Variants in CTNNA3 observed in about 807,000 individuals in gnomAD.
CTNNA3 encodes catenin alpha-3.
A neutral mutation model predicts 95.7 loss-of-function variants in CTNNA3; 76 were observed. That is an observed-to-expected ratio of 0.79 (90% CI 0.66 to 0.96). CTNNA3 has a LOEUF of 0.96. Among genes scored for constraint, CTNNA3 ranks in the 40% least tolerant of loss-of-function variants. The pLI is 0.00. For synonymous variants in CTNNA3, 431 were observed against 374.4 expected, an observed-to-expected ratio of 1.15 and a Z score of -1.74; for missense variants, 1,191 against 1,089.8, an observed-to-expected ratio of 1.09 and a Z score of -1.31.
chr10:67,650,514 T>C (rs1839845795), intron 1 of CTNNA3, among the ~76,000 whole-genome samples: 1 of 152,182 alleles, frequency 6.6e-6, no homozygotes, highest in Non-Finnish European at 1.5e-5. Context: ...ACCATATGGA[T>C]CCTTCCCTTC....
intron 12 of CTNNA3, among the ~76,000 whole-genome samples, chr10:66,314,594 G>A (rs2132269944): frequency 6.6e-6 from 1 of 152,008 alleles, no homozygotes; most frequent in Non-Finnish European, 1.5e-5. Context: ...CCTCCAATTA[G>A]AATATAGAAT....
intron 5 of CTNNA3, among the ~76,000 whole-genome samples, chr10:67,230,295 A>G (rs553178657): frequency 1.3e-5 from 2 of 152,308 alleles, no homozygotes; most frequent in African/African-American, 4.8e-5. Context: ...CTGAATCCTC[A>G]TCTCTCACCT....
intron 6 of CTNNA3, among the ~76,000 whole-genome samples, chr10:67,205,136 A>T (rs1190172639): frequency 6.6e-6 from 1 of 152,202 alleles, no homozygotes; most frequent in Non-Finnish European, 1.5e-5. Flanking sequence ...GGTTATTAAC[A>T]TTTAAACTAT....
intron 6 of CTNNA3, among the ~76,000 whole-genome samples, chr10:67,188,593 T>TA (rs1368722753): frequency 6.6e-6 from 1 of 152,134 alleles, no homozygotes; most frequent in Non-Finnish European, 1.5e-5. Context: ...GGAGGTTCCT[T>TA]AAAAAATTGA....
intron 17 of CTNNA3, among the ~76,000 whole-genome samples, chr10:65,958,032 A>T (rs954547992): frequency 6.6e-6 from 1 of 152,186 alleles, no homozygotes; most frequent in Admixed American, 6.5e-5. Context: ...AATCAGATGT[A>T]GATTTGGTCT....
chr10:66,278,556 A>G (rs1171256747), intron 13 of CTNNA3, among the ~76,000 whole-genome samples: 1 of 152,114 alleles, frequency 6.6e-6, no homozygotes, highest in Non-Finnish European at 1.5e-5. Flanking sequence ...ACCACTGTAT[A>G]TGAGGAATAT....
chr10:66,579,385 G>T (rs1392347271), intron 10 of CTNNA3, among the ~76,000 whole-genome samples: 2 of 151,828 alleles, frequency 1.3e-5, no homozygotes, highest in Admixed American at 6.6e-5. Context: ...ATTATGAATG[G>T]ATTATAAATG....
At chr10:67,278,650 A>G (rs1236984382) in intron 5 of CTNNA3, among the ~76,000 whole-genome samples, 1 of 152,136 alleles carries the variant, frequency 6.6e-6, no homozygotes, top group Non-Finnish European at 1.5e-5. Flanking sequence ...AGACCTAAAA[A>G]CTTACCTGCC....
At chr10:66,433,722 C>T (rs1322258150) in intron 11 of CTNNA3, among the ~76,000 whole-genome samples, 2 of 152,178 alleles carry the variant, frequency 1.3e-5, no homozygotes, top group Non-Finnish European at 2.9e-5. Context: ...TTGCCCATGC[C>T]TATGTCCTGA....
chr10:67,100,765 G>T (rs959465115), intron 7 of CTNNA3, among the ~76,000 whole-genome samples: 21 of 151,728 alleles, frequency 1.4e-4, no homozygotes, highest in African/African-American at 4.8e-4. Flanking sequence ...ATCTCATTTT[G>T]TCTTCATAAC....
intron 2 of CTNNA3, among the ~76,000 whole-genome samples, chr10:67,642,534 A>G (rs1055437738): frequency 1.3e-5 from 2 of 152,132 alleles, no homozygotes; most frequent in Admixed American, 6.6e-5. Flanking sequence ...CCTAGCCAAC[A>G]TGGTGAAACC....
rs2092576310 is a variant in CTNNA3 at position 66,352,711 on chromosome 10, G to A, written c.1732+26441C>T. ...GAGTTGTTTTAACTGTGAACATAGG[G>A]ATGAAATGAAAAGAGAGAAGCAAAT... On this transcript the variant is annotated intron_variant, in intron 12 of 17. Transcript: ENST00000433211. Among the ~76,000 whole-genome samples, 2 of 152,012 alleles carry A rather than the reference G, an allele frequency of 1.3e-5. 1 individual carries two copies. The highest frequency in any genetic ancestry group is 2.9e-5 in the Non-Finnish European group (2 of 67,976).
intron 10 of CTNNA3, among the ~76,000 whole-genome samples, chr10:66,568,757 A>G (rs1384433681): frequency 6.6e-6 from 1 of 151,746 alleles, no homozygotes; most frequent in Non-Finnish European, 1.5e-5. Context: ...GCTTGTACCA[A>G]ATCAGATGTT....
At chr10:66,369,766 A>G (rs1430006755) in intron 12 of CTNNA3, among the ~76,000 whole-genome samples, 2 of 152,168 alleles carry the variant, frequency 1.3e-5, no homozygotes, top group Non-Finnish European at 2.9e-5. Context: ...TTTTACGTCC[A>G]TGAAGTCTGA....
rs540855613 is a variant in CTNNA3 at position 66,333,384 on chromosome 10, C to G, written c.1732+45768G>C. 3.3e-5 allele frequency among the ~76,000 whole-genome samples: 5 copies of G among 152,066 alleles called. No homozygotes were observed. The East Asian group carries it at 5.8e-4, about 18-fold the overall frequency. ...GGCCTTTAGTGTTATAAATTTCCCT[C>G]TACACACTTCTTTGAATGTGTCCCA... On this transcript the variant is annotated intron_variant, in intron 12 of 17. Transcript: ENST00000433211.
chr10:66,847,136 A>G (rs888273758), intron 7 of CTNNA3, among the ~76,000 whole-genome samples: 1 of 152,124 alleles, frequency 6.6e-6, no homozygotes, highest in African/African-American at 2.4e-5. Flanking sequence ...CTGACATTTT[A>G]TGTTTATGTT....
chr10:65,916,568 T>G lies in CTNNA3; in HGVS notation c.*3762A>C, dbSNP rs2077010528. The stretch of plus-strand genomic sequence containing the variant: ...AGAAATGAACATTTGATACCAAAAT[T>G]TAAGAATGTTTTGGGGAATAGAAAG... On this transcript the variant is annotated 3_prime_UTR_variant, in exon 18 of 18. Coordinates refer to ENST00000433211, the MANE Select transcript of CTNNA3 (RefSeq NM_013266.4). 6.6e-6 allele frequency: 1 copy of G among 152,068 alleles called. No homozygotes were observed. Among genetic ancestry groups the G allele is most frequent in the Admixed American group, 6.6e-5 (1 of 15,252 alleles). 9.4% of individuals were successfully genotyped at this position (152,068 alleles called of 1,614,324 possible).
At chr10:66,219,895 G>A (rs561485224) in intron 13 of CTNNA3, among the ~76,000 whole-genome samples, 11 of 152,160 alleles carry the variant, frequency 7.2e-5, no homozygotes, top group African/African-American at 1.9e-4. Context: ...AGGCTGAGGC[G>A]GGCGGCTCCT....
At chr10:66,457,951 G>A (rs1241759574) in intron 11 of CTNNA3, among the ~76,000 whole-genome samples, 1 of 152,084 alleles carries the variant, frequency 6.6e-6, no homozygotes, top group African/African-American at 2.4e-5. Flanking sequence ...ATAGGTAGAG[G>A]GGGTAGGCTC....
Sources: allele counts gnomAD v4.1 joint callset (sites outside exome capture counted in the v4.1 genomes callset), GRCh38; gene constraint gnomAD v4.1.1; transcripts MANE v1.5; gene names NCBI Gene and HGNC (gene_info 2026-07-23, HGNC 2026-07-21).